CDH9: variants seen among roughly 807,000 people sequenced by gnomAD.
CDH9 encodes cadherin 9, also known as cadherin-9.
Under a neutral mutation model 70.9 loss-of-function variants are expected in CDH9, and 28 were observed. The observed-to-expected ratio is 0.40, with a 90% CI of 0.29 to 0.54. CDH9 has a LOEUF of 0.54. Ranked by LOEUF, CDH9 falls within the 20% of genes least tolerant of loss-of-function variation. The pLI, the probability that CDH9 is intolerant of heterozygous loss-of-function variation, is 0.59. For missense variants in CDH9, 874 were observed against 984.4 expected, an observed-to-expected ratio of 0.89 and a Z score of 1.50; for synonymous variants, 409 against 343.1, an observed-to-expected ratio of 1.19 and a Z score of -2.12.
At chr5:27,030,292 T>G (rs959989478) in intron 1 of CDH9, among the ~76,000 whole-genome samples, 4 of 151,924 alleles carry the variant, frequency 2.6e-5, no homozygotes, top group African/African-American at 7.2e-5. Flanking sequence ...ATAAAATACA[T>G]TGATCCATTT....
chr5:26,933,076 A>T (rs1741491898), intron 2 of CDH9, among the ~76,000 whole-genome samples: 1 of 147,396 alleles, frequency 6.8e-6, no homozygotes, highest in African/African-American at 2.5e-5. Context: ...TATTTATATT[A>T]TACAAATATA....
intron 1 of CDH9, among the ~76,000 whole-genome samples, chr5:27,010,763 C>T (rs1011295303): frequency 1.3e-5 from 2 of 152,140 alleles, no homozygotes; most frequent in South Asian, 4.1e-4. Context: ...ACTTTTAAGA[C>T]AGCATTTCAT....
intron 2 of CDH9, among the ~76,000 whole-genome samples, chr5:26,930,121 C>T (rs959410345): frequency 1.3e-5 from 2 of 151,854 alleles, no homozygotes; most frequent in Non-Finnish European, 2.9e-5. Flanking sequence ...AATATATCCA[C>T]ACATTATGTA....
intron 2 of CDH9, among the ~76,000 whole-genome samples, chr5:26,968,492 G>T (rs1439323349): frequency 6.6e-6 from 1 of 151,580 alleles, no homozygotes; most frequent in African/African-American, 2.4e-5. Context: ...CATCATGTTG[G>T]CCAGGCTGGT....
chr5:27,018,288 C>A (rs900290349), intron 1 of CDH9, among the ~76,000 whole-genome samples: 1 of 151,424 alleles, frequency 6.6e-6, no homozygotes. Context: ...ATTTTCCTCA[C>A]GTATGTATCA....
chr5:26,985,486 T>G (rs1428649), intron 2 of CDH9, among the ~76,000 whole-genome samples: 71,954 of 151,962 alleles, frequency 0.47, 17,880 homozygotes, highest in African/African-American at 0.52. Context: ...ATTAAATTTT[T>G]CTGCACTATT....
intron 1 of CDH9, among the ~76,000 whole-genome samples, chr5:27,012,390 C>A (rs770747131): frequency 9.9e-5 from 15 of 151,742 alleles, no homozygotes; most frequent in Admixed American, 6.6e-4. Context: ...ATACTTGAAA[C>A]AAATTTTAAA....
At position 27,012,145 on chromosome 5, in the gene CDH9, C is replaced by T. The variant is rs547803763; in HGVS notation, c.-49-23763G>A. Among the ~76,000 whole-genome samples, 5 of 152,026 alleles carry T rather than the reference C, an allele frequency of 3.3e-5. No homozygotes were observed. The East Asian group carries it at 9.7e-4, about 29-fold the overall frequency. ...TTCCTTACATAAAATGGTACATTTT[C>T]AGCATACAACCTATGCACTTCTCCC... On this transcript the variant is annotated intron_variant, in intron 1 of 11. Transcript: ENST00000231021.
chr5:27,036,973 ACCTGGATTAG>A (rs895718277), intron 1 of CDH9, among the ~76,000 whole-genome samples: 3 of 151,980 alleles, frequency 2.0e-5, no homozygotes, highest in Non-Finnish European at 4.4e-5. Context: ...TATGTTTCAA[ACCTGGATTAG>A]CCAGTTTTAT....
chr5:26,988,191 A>G lies in CDH9; in HGVS notation c.143T>C (p.Leu48Pro). 1 of 1,613,558 alleles carries G rather than the reference A, an allele frequency of 6.2e-7. No homozygotes were observed. Among genetic ancestry groups the G allele is most frequent in the Non-Finnish European group, 8.5e-7 (1 of 1,179,660 alleles). ...AGLTKDDGKMLRRTKRGWMWN... is the reference protein window; with the variant it reads ...AGLTKDDGKMPRRTKRGWMWN... Reference sequence around the variant, plus strand: ...CATCCAGCCACGCTTGGTGCGACGTAGCATTTTACCGTCATCTTTTGTCAG... The same window carrying G: ...CATCCAGCCACGCTTGGTGCGACGTGGCATTTTACCGTCATCTTTTGTCAG... The change falls in exon 2 of 12, where the codon CTA (leucine) becomes CCA (proline). Residue 48 changes from leucine (L) to proline (P), a missense_variant. By Grantham distance (98) the Leu-to-Pro change is moderately conservative (BLOSUM62 -3). Transcript: ENST00000231021.
At chr5:26,981,677 T>A (rs1057490152) in intron 2 of CDH9, among the ~76,000 whole-genome samples, 1 of 152,056 alleles carries the variant, frequency 6.6e-6, no homozygotes, top group African/African-American at 2.4e-5. Context: ...TGATTTTATA[T>A]ATGACATAAT....
At chr5:26,906,442 A>G (rs892319424) in intron 4 of CDH9, among the ~76,000 whole-genome samples, 1 of 152,186 alleles carries the variant, frequency 6.6e-6, no homozygotes, top group Non-Finnish European at 1.5e-5. Context: ...AGTTTTGAGT[A>G]TTCTCTATGC....
At chr5:26,903,371 A>T (rs890312593) in intron 6 of CDH9, 1 of 549,438 alleles carries the variant, frequency 1.8e-6, no homozygotes, top group East Asian at 3.7e-5. Context: ...TCCTCTATGG[A>T]GAAATACAAA....
At chr5:26,883,923 C>T (rs918171541) in intron 11 of CDH9, among the ~76,000 whole-genome samples, 2 of 151,982 alleles carry the variant, frequency 1.3e-5, no homozygotes, top group African/African-American at 4.8e-5. Flanking sequence ...ATTGTCAGTG[C>T]TATGTCACTA....
chr5:26,906,788 C>T lies in CDH9; in HGVS notation c.574G>A (p.Gly192Arg). ...TATDADDANYGNSAKVVYSIL... is the reference protein window; with the variant it reads ...TATDADDANYRNSAKVVYSIL... Reference sequence around the variant, plus strand: ...CTATAGACCACTTTGGCACTATTTCCATAGTTGGCGTCATCTGCATCTGTT... The same window carrying T: ...CTATAGACCACTTTGGCACTATTTCTATAGTTGGCGTCATCTGCATCTGTT... Residue 192 changes from glycine to arginine, a missense_variant, in exon 4 of 12, where the codon GGA becomes AGA. Transcript: ENST00000231021. 1.2e-6 allele frequency: 2 copies of T among 1,613,104 alleles called. No homozygotes were observed. The highest frequency in any genetic ancestry group is 1.7e-6 in the Non-Finnish European group (2 of 1,179,464).
intron 2 of CDH9, among the ~76,000 whole-genome samples, chr5:26,956,344 T>C (rs2112054464): frequency 6.6e-6 from 1 of 152,298 alleles, no homozygotes; most frequent in East Asian, 1.9e-4. Context: ...TAAACCTCTT[T>C]TTTTTCTTTT....
intron 2 of CDH9, among the ~76,000 whole-genome samples, chr5:26,941,303 A>T (rs1741658189): frequency 6.6e-6 from 1 of 152,208 alleles, no homozygotes; most frequent in Non-Finnish European, 1.5e-5. Flanking sequence ...TATGTCATCA[A>T]CGGTAATTTA....
intron 2 of CDH9, among the ~76,000 whole-genome samples, chr5:26,934,673 C>T (rs890070771): frequency 6.6e-6 from 1 of 151,990 alleles, no homozygotes; most frequent in Non-Finnish European, 1.5e-5. Context: ...ATGAAATGAA[C>T]CAATTCATTA....
At chr5:27,018,433 T>C (rs960081903) in intron 1 of CDH9, among the ~76,000 whole-genome samples, 3 of 151,828 alleles carry the variant, frequency 2.0e-5, no homozygotes, top group Non-Finnish European at 2.9e-5. Context: ...AAAATATTAT[T>C]AACAAAAAGT....
Sources: allele counts gnomAD v4.1 joint callset (sites outside exome capture counted in the v4.1 genomes callset), GRCh38; gene constraint gnomAD v4.1.1; transcripts MANE v1.5; gene names NCBI Gene and HGNC (gene_info 2026-07-23, HGNC 2026-07-21).